Variants in RASD2 observed in about 807,000 individuals in gnomAD.
The protein encoded by RASD2 is RASD family member 2.
A neutral mutation model predicts 15.8 loss-of-function variants in RASD2; 7 were observed. That is an observed-to-expected ratio of 0.44 (90% CI 0.25 to 0.83). RASD2 has a LOEUF of 0.83. Among genes scored for constraint, RASD2 ranks in the 40% least tolerant of loss-of-function variants. The pLI, the probability that RASD2 is intolerant of heterozygous loss-of-function variation, is 0.20. For missense variants in RASD2, 274 were observed against 382.8 expected (o/e 0.72, Z 2.37); for synonymous variants, 155 against 153.6 (o/e 1.01, Z -0.07).
chr22:35,538,790 T>TTCCTGACCCCAGCCTTCCAGG (rs1934282422), upstream of RASD2, among the ~76,000 whole-genome samples: 1 of 152,350 alleles, frequency 6.6e-6, no homozygotes, highest in Admixed American at 6.5e-5. Flanking sequence ...GACCTGAGTC[T>TTCCTGACCCCAGCCTTCCAGG]TCCTGACCCC....
intron 1 of RASD2, among the ~76,000 whole-genome samples, chr22:35,545,484 C>A (rs5755743): frequency 0.15 from 22,898 of 152,194 alleles, 2,669 homozygotes; most frequent in East Asian, 0.65. Context: ...GGGATGCAGC[C>A]CCCACTTGCC....
chr22:35,542,023 G>C (rs1284201102), intron 1 of RASD2, among the ~76,000 whole-genome samples: 1 of 152,196 alleles, frequency 6.6e-6, no homozygotes, highest in Admixed American at 6.5e-5. Flanking sequence ...CTTCCCAGGA[G>C]GGGTTTCCTG....
At chr22:35,537,460 C>G (rs1334717662), upstream of RASD2, among the ~76,000 whole-genome samples, 2 of 152,216 alleles carry the variant, frequency 1.3e-5, no homozygotes, top group African/African-American at 4.8e-5. Flanking sequence ...GGAAGTAACA[C>G]CGGCTACGGA....
chr22:35,551,538 C>T lies in RASD2; in HGVS notation c.307C>T (p.Arg103Trp), dbSNP rs41279993. ...VFILVFSLDN[R>W]ESFDEVKRLQ... ...CATCCTGGTGTTCAGCCTGGATAAC[C>T]GGGAGTCCTTCGATGAGGTCAAGCG... The change falls in exon 3 of 3, where the codon CGG becomes TGG. Residue 103 changes from arginine to tryptophan, a missense_variant. By Grantham distance (101) the Arg-to-Trp change is moderately radical. Transcript: ENST00000216127. This position sits in a 1 kb window ranked among gnomAD's most constrained non-coding sequence, Gnocchi z 4.9. 8 of 1,612,792 alleles carry T rather than the reference C, an allele frequency of 5.0e-6. No homozygotes were observed. Among genetic ancestry groups the T allele is most frequent in the Non-Finnish European group, 5.1e-6 (6 of 1,179,100 alleles).
chr22:35,539,657 TG>T (rs1934295352), upstream of RASD2, among the ~76,000 whole-genome samples: 1 of 152,230 alleles, frequency 6.6e-6, no homozygotes, highest in African/African-American at 2.4e-5. Flanking sequence ...AACCTTGCTT[TG>T]TTTTCACTGT....
At position 35,553,163 on chromosome 22, in the gene RASD2, T is replaced by G. The variant is rs1372800031; in HGVS notation, c.*1131T>G. On this transcript the variant is annotated 3_prime_UTR_variant, in exon 3 of 3. Transcript: ENST00000216127. Reference sequence around the variant, plus strand: ...ACTGGGTGCTGGGTTCACTGTGTCCTAGGAAACCAAGAGGGTCCCCAGTCC... The same window carrying G: ...ACTGGGTGCTGGGTTCACTGTGTCCGAGGAAACCAAGAGGGTCCCCAGTCC... 1 of 152,050 alleles carries G rather than the reference T, an allele frequency of 6.6e-6. No homozygotes were observed. The highest frequency in any genetic ancestry group is 1.5e-5 in the Non-Finnish European group (1 of 68,082). 9.4% of individuals were successfully genotyped at this position (152,050 alleles called of 1,614,324 possible).
chr22:35,551,350 C>A lies in RASD2; in HGVS notation c.272-153C>A, dbSNP rs529431585. Among the ~76,000 whole-genome samples, 22 of 152,154 alleles carry A rather than the reference C, an allele frequency of 1.4e-4. No homozygotes were observed. Among genetic ancestry groups the A allele is most frequent in the Non-Finnish European group, 2.6e-4 (18 of 68,034 alleles). ...GCAGGGAGAATAATCGCAGCTACCC[C>A]GAAGAGTCGCTGTGTAGGTTAAAGC... On this transcript the variant is annotated intron_variant, in intron 2 of 2. Coordinates refer to ENST00000216127, the MANE Select transcript of RASD2 (RefSeq NM_014310.4). This position sits in a 1 kb window ranked among gnomAD's most constrained non-coding sequence, Gnocchi z 4.9.
the RASD2 span, among the ~76,000 whole-genome samples, chr22:35,535,528 T>A: frequency 6.6e-6 from 1 of 151,908 alleles, no homozygotes. Flanking sequence ...ACAGTGAGGG[T>A]TGAATCCAAA....
In RASD2 at chr22:35,543,656, G is replaced by A. The variant is rs547967668; in HGVS notation, c.-10+2156G>A. On this transcript the variant is annotated intron_variant, in intron 1 of 2. Coordinates refer to ENST00000216127, the MANE Select transcript of RASD2 (RefSeq NM_014310.4). ...TCCCCTGGCGTCCAGGTGTCCAGAT[G>A]TCTCACACAGCCCCACGTGGCTCAG... is the stretch of plus-strand genomic sequence containing the variant. 5.9e-5 allele frequency among the ~76,000 whole-genome samples: 9 copies of A among 152,346 alleles called. No individual in the cohort carries two copies. In the South Asian group the frequency reaches 1.9e-3, roughly 32 times the overall value.
chr22:35,535,889 T>G (rs1934240546), upstream of RASD2, among the ~76,000 whole-genome samples: 3 of 119,810 alleles, frequency 2.5e-5, no homozygotes, highest in South Asian at 9.5e-4. Flanking sequence ...TGGGGCTTGC[T>G]TGGATCATCG....
rs1473972680 is a variant in RASD2, at chr22:35,552,313, T to C, written c.*281T>C. On this transcript the variant is annotated 3_prime_UTR_variant, in exon 3 of 3. Coordinates refer to ENST00000216127, the MANE Select transcript of RASD2 (RefSeq NM_014310.4). The stretch of plus-strand genomic sequence containing the variant: ...GGCAGAGACTCAAGTTACACCTTCC[T>C]CTCCTGGGGTTGGAAGAAATGTTGA... The C allele has an allele frequency of 1.2e-5, 6 of 483,306 alleles. No homozygotes were observed. Among genetic ancestry groups the C allele is most frequent in the Non-Finnish European group, 2.2e-5 (6 of 271,486 alleles). 29.9% of individuals were successfully genotyped at this position (483,306 alleles called of 1,614,324 possible).
chr22:35,552,062 G>T lies in RASD2; in HGVS notation c.*30G>T. On this transcript the variant is annotated 3_prime_UTR_variant, in exon 3 of 3. Transcript: ENST00000216127. ...GGGATGCTGGGGCGGGGCTTGGCCA[G>T]TGCCTTCAGGGAGGTGGCCCCAGAT... The T allele has an allele frequency of 6.3e-7, 1 of 1,576,536 alleles. No individual in the cohort carries two copies. Among genetic ancestry groups the T allele is most frequent in the South Asian group, 1.1e-5 (1 of 88,574 alleles).
At chr22:35,538,752 G>A (rs190788475), upstream of RASD2, among the ~76,000 whole-genome samples, 16 of 152,326 alleles carry the variant, frequency 1.1e-4, no homozygotes, top group South Asian at 4.1e-4. Context: ...CTACATTTCC[G>A]TGATGGAGGT....
rs1442019893 is a variant in RASD2 at position 35,551,895 on chromosome 22, G to A, written c.664G>A (p.Val222Ile). 5.0e-6 allele frequency: 8 copies of A among 1,613,148 alleles called. No individual in the cohort carries two copies. Among genetic ancestry groups the A allele is most frequent in the Non-Finnish European group, 5.9e-6 (7 of 1,180,038 alleles). Residue 222 changes from valine to isoleucine, a missense_variant, in exon 3 of 3, where the codon GTC (valine) becomes ATC (isoleucine). By Grantham distance (29) the Val-to-Ile change is conservative (BLOSUM62 3). Coordinates refer to ENST00000216127, the MANE Select transcript of RASD2 (RefSeq NM_014310.4). The surrounding 1 kb of genome is among the most constrained non-coding windows in gnomAD (Gnocchi z 4.9). ...FHPRPFCMRR[V>I]KEMDAYGMVS... ...CCCCAGGCCCTTCTGCATGCGCCGC[G>A]TCAAGGAGATGGACGCCTATGGCAT...
chr22:35,543,963 A>C (rs1934424782), intron 1 of RASD2, among the ~76,000 whole-genome samples: 1 of 138,020 alleles, frequency 7.2e-6, no homozygotes, highest in Non-Finnish European at 1.5e-5. Flanking sequence ...CCTCTCTCTG[A>C]TTCCCTGCCT....
At chr22:35,532,853 C>G in the RASD2 span, among the ~76,000 whole-genome samples, 3 of 152,060 alleles carry the variant, frequency 2.0e-5, no homozygotes, top group Non-Finnish European at 4.4e-5. Flanking sequence ...TTAAAGGGAC[C>G]CACAGAAGAT....
intron 2 of RASD2, among the ~76,000 whole-genome samples, chr22:35,548,961 G>A (rs1934588937): frequency 6.6e-6 from 1 of 152,228 alleles, no homozygotes. Context: ...CCCAGCCTTG[G>A]GGAGGGGACT....
At chr22:35,537,175 C>T (rs544000975), upstream of RASD2, among the ~76,000 whole-genome samples, 1 of 152,282 alleles carries the variant, frequency 6.6e-6, no homozygotes, top group South Asian at 2.1e-4. Flanking sequence ...CCTCAGTTTC[C>T]CCTTCTGTAA....
chr22:35,546,038 C>A (rs1318880980), intron 1 of RASD2, among the ~76,000 whole-genome samples: 5 of 152,152 alleles, frequency 3.3e-5, no homozygotes, highest in African/African-American at 1.2e-4. Context: ...GGGTCGTTCC[C>A]CATTCCACAT....
Sources: allele counts gnomAD v4.1 joint callset (sites outside exome capture counted in the v4.1 genomes callset), GRCh38; gene constraint gnomAD v4.1.1; non-coding constraint Gnocchi (gnomAD v3.1); transcripts MANE v1.5; gene names NCBI Gene and HGNC (gene_info 2026-07-23, HGNC 2026-07-21).